Variants in RPTOR observed in about 807,000 individuals in gnomAD.
RPTOR encodes the protein regulatory associated protein of MTOR complex 1, also known as regulatory-associated protein of mTOR.
A neutral mutation model predicts 169.9 loss-of-function variants in RPTOR; 21 were observed. The ratio of observed to expected loss-of-function variants is 0.12; its 90% CI spans 0.09 to 0.18. The LOEUF (loss-of-function observed/expected upper bound fraction) is 0.18, where lower values mean the gene tolerates loss of function less well. Among genes scored for constraint, RPTOR ranks in the 10% least tolerant of loss-of-function variants. The probability of loss-of-function intolerance (pLI) is 1.00; values close to 1 mark genes in which losing one functional copy is unlikely to be tolerated. For synonymous variants in RPTOR, 732 were observed against 753.2 expected, an observed-to-expected ratio of 0.97 and a Z score of 0.46; for missense variants, 1,133 against 1,855.9, an observed-to-expected ratio of 0.61 and a Z score of 7.16.
At chr17:80,637,451 G>C (rs919446500) in intron 2 of RPTOR, among the ~76,000 whole-genome samples, 1 of 152,162 alleles carries the variant, frequency 6.6e-6, no homozygotes. Context: ...CCCCTGCTCC[G>C]CCCCCCTCTG....
intron 7 of RPTOR, among the ~76,000 whole-genome samples, chr17:80,798,948 T>C (rs2067128532): frequency 6.6e-6 from 1 of 152,048 alleles, no homozygotes; most frequent in South Asian, 2.1e-4. Context: ...GAACTCTGGG[T>C]TCCCTGAGTC....
chr17:80,804,848 G>C (rs920628636), intron 7 of RPTOR: 2 of 152,250 alleles, frequency 1.3e-5, no homozygotes, highest in Non-Finnish European at 2.9e-5. Context: ...AAGATGCCTG[G>C]TCTCAAAGGG....
chr17:80,764,696 C>T (rs796430858), intron 6 of RPTOR, among the ~76,000 whole-genome samples: 34 of 152,218 alleles, frequency 2.2e-4, no homozygotes, highest in African/African-American at 8.2e-4. Flanking sequence ...ATGGCTGGGT[C>T]AAATGGTATT....
chr17:80,943,550 G>A (rs1371307822), intron 25 of RPTOR, among the ~76,000 whole-genome samples: 1 of 152,006 alleles, frequency 6.6e-6, no homozygotes, highest in East Asian at 1.9e-4. Flanking sequence ...TGCTGCAAAG[G>A]GCGCCAACTT....
intron 1 of RPTOR, among the ~76,000 whole-genome samples, chr17:80,592,989 C>T (rs2065118633): frequency 6.6e-6 from 1 of 152,194 alleles, no homozygotes; most frequent in Admixed American, 6.5e-5. Flanking sequence ...AAACACACTA[C>T]TTGTGTCAAA....
intron 2 of RPTOR, among the ~76,000 whole-genome samples, chr17:80,631,203 G>A (rs1445400612): frequency 6.6e-6 from 1 of 152,108 alleles, no homozygotes; most frequent in Non-Finnish European, 1.5e-5. Context: ...CCACTCCCCA[G>A]GTACAGGAAT....
At chr17:80,943,049 G>A (rs548758033) in intron 25 of RPTOR, among the ~76,000 whole-genome samples, 27 of 152,338 alleles carry the variant, frequency 1.8e-4, no homozygotes, top group Admixed American at 1.2e-3. Context: ...TTTCCTTTCC[G>A]TGGTTCTGGG....
rs1472712947 is a variant in RPTOR, at chr17:80,889,855, CCG to C, written c.1984-1864_1984-1863del. On this transcript the variant is annotated intron_variant, in intron 17 of 33. Transcript: ENST00000306801. Reference sequence around the variant, plus strand: ...GATGTGCGGCCTCCGAGGGAGGCCCCCGTATGCAGCAGGATGTGCGGCCTCCG... The same window carrying C: ...GATGTGCGGCCTCCGAGGGAGGCCCCTATGCAGCAGGATGTGCGGCCTCCG... Among the ~76,000 whole-genome samples the C allele has an allele frequency of 7.3e-4, 90 of 123,094 alleles. 1 individual carries two copies. Among genetic ancestry groups the C allele is most frequent in the Non-Finnish European group, 8.5e-4 (47 of 55,246 alleles). 80.8% of individuals were successfully genotyped at this position (123,094 alleles called of 152,430 possible).
chr17:80,779,525 G>T (rs533967471), intron 6 of RPTOR, among the ~76,000 whole-genome samples: 2 of 152,338 alleles, frequency 1.3e-5, no homozygotes, highest in South Asian at 4.1e-4. Context: ...TTCCGTCGCG[G>T]TCGGAGTTTT....
intron 24 of RPTOR, among the ~76,000 whole-genome samples, chr17:80,929,627 T>C (rs1003299071): frequency 7.2e-5 from 11 of 152,160 alleles, no homozygotes; most frequent in Non-Finnish European, 1.0e-4. Context: ...GAGCATCTGC[T>C]CCTCTAGGGT....
At chr17:80,890,129 C>G (rs527273142) in intron 17 of RPTOR, among the ~76,000 whole-genome samples, 1 of 152,042 alleles carries the variant, frequency 6.6e-6, no homozygotes. Flanking sequence ...GATGTGTGTT[C>G]GGGAGTGAGT....
chr17:80,739,069 TG>T (rs2143243298), intron 5 of RPTOR, among the ~76,000 whole-genome samples: 1 of 90,246 alleles, frequency 1.1e-5, no homozygotes, highest in South Asian at 3.2e-4. Flanking sequence ...GCCAGCACCA[TG>T]GGTTGCAGAC....
chr17:80,785,621 G>A (rs1250047910), intron 6 of RPTOR, among the ~76,000 whole-genome samples: 7 of 152,082 alleles, frequency 4.6e-5, no homozygotes. Context: ...GGCAGTTTCC[G>A]CGGCCAGGCT....
intron 20 of RPTOR, among the ~76,000 whole-genome samples, chr17:80,905,166 G>C (rs2068524917): frequency 7.8e-6 from 1 of 127,454 alleles, no homozygotes; most frequent in African/African-American, 3.2e-5. Flanking sequence ...GTCAACAGTG[G>C]TTATGCTCTC....
rs2067187308 is a variant in RPTOR at position 80,803,720 on chromosome 17, C to T, written c.890+12211C>T. 6.6e-6 allele frequency: 1 copy of T among 152,304 alleles called. No individual in the cohort carries two copies. The highest frequency in any genetic ancestry group is 6.5e-5 in the Admixed American group (1 of 15,292). The allele number at this position is 152,304 out of a possible 1,614,324, so 9.4% of individuals were successfully genotyped here. A position where few individuals can be genotyped will look rare whatever the true frequency, so the allele number is the denominator to read the frequency against. On this transcript the variant is annotated intron_variant, in intron 7 of 33. Coordinates refer to ENST00000306801, the MANE Select transcript of RPTOR (RefSeq NM_020761.3). This position sits in a 1 kb window ranked among gnomAD's most constrained non-coding sequence, Gnocchi z 6.2. ...CTGTCCGAGGCTCTGGAGCCAAGTCCTTGCTCGTTAACTTACATCCTGATC... is the reference window on the plus strand; with the variant it reads ...CTGTCCGAGGCTCTGGAGCCAAGTCTTTGCTCGTTAACTTACATCCTGATC...
chr17:80,918,338 G>A (rs1359517078), intron 21 of RPTOR, among the ~76,000 whole-genome samples: 1 of 152,230 alleles, frequency 6.6e-6, no homozygotes, highest in Non-Finnish European at 1.5e-5. Context: ...AGGCTCTGGG[G>A]TGGCGGCCGG....
rs1359730371 is a variant in RPTOR at position 80,754,593 on chromosome 17, G to A, written c.830+408G>A. ...AGCGTAATCTTTCAATGTATTTTTAGCAATGAAAAAAGAGCCATGATTTTT... is the reference window on the plus strand; with the variant it reads ...AGCGTAATCTTTCAATGTATTTTTAACAATGAAAAAAGAGCCATGATTTTT... On this transcript the variant is annotated intron_variant, in intron 6 of 33. Transcript: ENST00000306801. This position sits in a 1 kb window ranked among gnomAD's most constrained non-coding sequence, Gnocchi z 4.2. Among the ~76,000 whole-genome samples the A allele has an allele frequency of 6.6e-6, 1 of 152,064 alleles. No individual in the cohort carries two copies. Among genetic ancestry groups the A allele is most frequent in the South Asian group, 2.1e-4 (1 of 4,820 alleles).
chr17:80,740,723 A>C (rs1370926574), intron 5 of RPTOR, among the ~76,000 whole-genome samples: 1 of 149,102 alleles, frequency 6.7e-6, no homozygotes, highest in Non-Finnish European at 1.5e-5. Flanking sequence ...GAAAACAAAC[A>C]AAAAAAAAAC....
intron 7 of RPTOR, among the ~76,000 whole-genome samples, chr17:80,799,212 G>A (rs1300303974): frequency 4.6e-5 from 7 of 152,214 alleles, no homozygotes; most frequent in East Asian, 1.9e-4. Context: ...ACAGGCTCTC[G>A]TGCTTAGTCT....
Sources: allele counts gnomAD v4.1 joint callset (sites outside exome capture counted in the v4.1 genomes callset), GRCh38; gene constraint gnomAD v4.1.1; non-coding constraint Gnocchi (gnomAD v3.1); transcripts MANE v1.5; gene names NCBI Gene and HGNC (gene_info 2026-07-23, HGNC 2026-07-21).